Variants in LPP observed in about 807,000 individuals in gnomAD.
LPP encodes the protein LIM domain containing preferred translocation partner in lipoma.
In LPP, 38 loss-of-function variants were observed where a neutral mutation model predicts 60.4. That is an observed-to-expected ratio of 0.63 (90% CI 0.49 to 0.83). The LOEUF (loss-of-function observed/expected upper bound fraction) is 0.83, where lower values mean the gene tolerates loss of function less well. Among genes scored for constraint, LPP ranks in the 40% least tolerant of loss-of-function variants. The probability of loss-of-function intolerance (pLI) is 0.00; values close to 1 mark genes in which losing one functional copy is unlikely to be tolerated. For missense variants in LPP, 902 were observed against 783.6 expected (o/e 1.15, Z -1.80); for synonymous variants, 328 against 290.8 (o/e 1.13, Z -1.30).
At chr3:188,236,070 CT>C (rs768843779) in intron 2 of LPP, among the ~76,000 whole-genome samples, 1 of 151,378 alleles carries the variant, frequency 6.6e-6, no homozygotes, top group Non-Finnish European at 1.5e-5. Flanking sequence ...GGTGATGGGA[CT>C]AGAACAAATG....
chr3:188,313,841 C>T (rs1235290006), intron 2 of LPP, among the ~76,000 whole-genome samples: 1 of 151,952 alleles, frequency 6.6e-6, no homozygotes, highest in African/African-American at 2.4e-5. Context: ...GTAGACCGTG[C>T]CTGTTTCTAA....
At chr3:188,476,884 T>G (rs986421738) in intron 4 of LPP, among the ~76,000 whole-genome samples, 1 of 152,226 alleles carries the variant, frequency 6.6e-6, no homozygotes, top group African/African-American at 2.4e-5. Context: ...TGTGCTATTT[T>G]GATGACAATG....
intron 8 of LPP, among the ~76,000 whole-genome samples, chr3:188,749,248 GAGAT>G (rs1472258186): frequency 6.6e-6 from 1 of 152,180 alleles, no homozygotes; most frequent in African/African-American, 2.4e-5. Flanking sequence ...GGGCACCTGG[GAGAT>G]AGCTCTGTGC....
At chr3:188,768,069 T>C (rs1734714267) in intron 9 of LPP, among the ~76,000 whole-genome samples, 1 of 152,144 alleles carries the variant, frequency 6.6e-6, no homozygotes, top group Non-Finnish European at 1.5e-5. Context: ...TTTAAAATTA[T>C]TGCACTTAAA....
At chr3:188,368,707 CACACACACACACAGAGAGAG>C (rs1772012474) in intron 3 of LPP, among the ~76,000 whole-genome samples, 1 of 122,978 alleles carries the variant, frequency 8.1e-6, no homozygotes, top group South Asian at 3.0e-4. Context: ...CACACACACA[CACACACACACACAGAGAGAG>C]AGAGAGAGAG....
In LPP at chr3:188,877,615, A is replaced by G. The variant is rs1769402641; in HGVS notation, c.*3136A>G. Reference sequence around the variant, plus strand: ...AATCCCAGCAATTTGGGAGGCTGAGACAGGAGGATTGCCTGAGGCCAGGAG... The same window carrying G: ...AATCCCAGCAATTTGGGAGGCTGAGGCAGGAGGATTGCCTGAGGCCAGGAG... On this transcript the variant is annotated 3_prime_UTR_variant, in exon 12 of 12. Coordinates refer to ENST00000617246, the MANE Select transcript of LPP (RefSeq NM_001375462.1). 5.3e-6 allele frequency: 1 copy of G among 187,164 alleles called. No individual in the cohort carries two copies. The highest frequency in any genetic ancestry group is 1.1e-5 in the Non-Finnish European group (1 of 88,640). 11.6% of individuals were successfully genotyped at this position (187,164 alleles called of 1,614,324 possible). A position where few individuals can be genotyped will look rare whatever the true frequency, so the allele number is the denominator to read the frequency against.
chr3:188,704,666 G>A (rs567434059), intron 7 of LPP, among the ~76,000 whole-genome samples: 88 of 152,250 alleles, frequency 5.8e-4, no homozygotes, highest in African/African-American at 2.1e-3. Context: ...ATGCCTGGAT[G>A]TTCCTAATTG....
chr3:188,428,592 A>T (rs1560392294), intron 4 of LPP, among the ~76,000 whole-genome samples: 1 of 63,954 alleles, frequency 1.6e-5, no homozygotes. Context: ...ATATATATAT[A>T]TATATTTTTT....
At chr3:188,191,301 G>T (rs941934470) in intron 1 of LPP, among the ~76,000 whole-genome samples, 14 of 152,306 alleles carry the variant, frequency 9.2e-5, no homozygotes, top group Middle Eastern at 3.4e-3. Context: ...TAACAGTTTG[G>T]TTAACTTTTA....
At chr3:188,467,465 A>G (rs1800767886) in intron 4 of LPP, among the ~76,000 whole-genome samples, 1 of 151,976 alleles carries the variant, frequency 6.6e-6, no homozygotes, top group Non-Finnish European at 1.5e-5. Context: ...TTCTTATGGT[A>G]TGTTGTGGTG....
chr3:188,652,863 ACCACGC>A (rs1852379057), intron 7 of LPP, among the ~76,000 whole-genome samples: 1 of 152,148 alleles, frequency 6.6e-6, no homozygotes, highest in Non-Finnish European at 1.5e-5. Context: ...CACTCCTCTT[ACCACGC>A]CCTGTCTAGG....
At chr3:188,376,666 C>T (rs1578441167) in intron 3 of LPP, among the ~76,000 whole-genome samples, 2 of 152,140 alleles carry the variant, frequency 1.3e-5, no homozygotes, top group African/African-American at 4.8e-5. Context: ...TCCAATTTGC[C>T]AGTCTGTGTC....
intron 6 of LPP, among the ~76,000 whole-genome samples, chr3:188,554,956 AAAAT>A (rs1829118576): frequency 6.6e-6 from 1 of 152,178 alleles, no homozygotes; most frequent in African/African-American, 2.4e-5. Context: ...TCTATAGAGA[AAAAT>A]AAAGCAAGAT....
intron 4 of LPP, among the ~76,000 whole-genome samples, chr3:188,461,851 A>T (rs1568577): frequency 0.48 from 72,308 of 151,802 alleles, 17,850 homozygotes; most frequent in African/African-American, 0.6. Flanking sequence ...TTATCTGTTA[A>T]AATCTTTGGG....
intron 2 of LPP, among the ~76,000 whole-genome samples, chr3:188,332,193 A>T (rs1195951094): frequency 2.6e-5 from 4 of 152,042 alleles, no homozygotes; most frequent in Admixed American, 6.6e-5. Context: ...TTTCTTGACA[A>T]ATATGTTTTC....
chr3:188,532,180 G>A (rs1376331869), intron 6 of LPP, among the ~76,000 whole-genome samples: 1 of 152,162 alleles, frequency 6.6e-6, no homozygotes, highest in Non-Finnish European at 1.5e-5. Flanking sequence ...GCTGAGGCAG[G>A]TTGATTGCTT....
intron 2 of LPP, among the ~76,000 whole-genome samples, chr3:188,254,724 T>G (rs1025501065): frequency 1.3e-5 from 2 of 150,360 alleles, no homozygotes; most frequent in Admixed American, 1.3e-4. Context: ...GTGGATAGGA[T>G]TCCTTCAATG....
chr3:188,344,301 G>A (rs558031225), intron 3 of LPP, among the ~76,000 whole-genome samples: 3 of 152,252 alleles, frequency 2.0e-5, no homozygotes, highest in South Asian at 2.1e-4. Context: ...ATCAGTTACC[G>A]TTTTTTGAAG....
intron 6 of LPP, among the ~76,000 whole-genome samples, chr3:188,560,633 A>G (rs1579961348): frequency 6.6e-6 from 1 of 152,074 alleles, no homozygotes; most frequent in Non-Finnish European, 1.5e-5. Flanking sequence ...TGATGCACTT[A>G]TGCTTTGATT....
Sources: allele counts gnomAD v4.1 joint callset (sites outside exome capture counted in the v4.1 genomes callset), GRCh38; gene constraint gnomAD v4.1.1; transcripts MANE v1.5; gene names NCBI Gene and HGNC (gene_info 2026-07-23, HGNC 2026-07-21).